Variants in MAP3K20 observed in about 807,000 individuals in gnomAD.
MAP3K20 encodes HCCS-4.
In MAP3K20, 40 loss-of-function variants were observed where a neutral mutation model predicts 85.7. The ratio of observed to expected loss-of-function variants is 0.47; its 90% CI spans 0.36 to 0.61. The LOEUF (loss-of-function observed/expected upper bound fraction) is 0.61. Among genes scored for constraint, MAP3K20 ranks in the 20% least tolerant of loss-of-function variants. The pLI is 0.00. For synonymous variants in MAP3K20, 325 were observed against 327.7 expected (o/e 0.99, Z 0.09); for missense variants, 817 against 961.7 (o/e 0.85, Z 1.99).
intron 16 of MAP3K20, among the ~76,000 whole-genome samples, chr2:173,253,184 C>T (rs765568810): frequency 5.3e-5 from 8 of 152,204 alleles, no homozygotes; most frequent in Non-Finnish European, 7.3e-5. Context: ...ACCTTGTTCT[C>T]GGTCCCATTC....
intron 4 of MAP3K20, among the ~76,000 whole-genome samples, chr2:173,185,564 T>A (rs1690460899): frequency 6.6e-6 from 1 of 152,250 alleles, no homozygotes; most frequent in Non-Finnish European, 1.5e-5. Context: ...CAAATTCAGC[T>A]ATGTACCTTT....
intron 2 of MAP3K20, among the ~76,000 whole-genome samples, chr2:173,095,974 TAAAG>T (rs1307116339): frequency 1.3e-5 from 2 of 152,214 alleles, no homozygotes; most frequent in African/African-American, 4.8e-5. Context: ...ATTTCAAACA[TAAAG>T]AAAAGGTGAA....
intron 10 of MAP3K20, among the ~76,000 whole-genome samples, chr2:173,216,389 T>C (rs1023916550): frequency 5.3e-5 from 8 of 152,162 alleles, no homozygotes; most frequent in Non-Finnish European, 1.2e-4. Context: ...ACTTGCTTGA[T>C]TGTAAAAATT....
intron 7 of MAP3K20, among the ~76,000 whole-genome samples, chr2:173,192,262 C>CTGTTTTGTTT (rs946888234): frequency 2.0e-5 from 3 of 152,088 alleles, no homozygotes; most frequent in Non-Finnish European, 4.4e-5. Context: ...GTTGTCAGAC[C>CTGTTTTGTTT]TGTTTTGTTT....
intron 2 of MAP3K20, among the ~76,000 whole-genome samples, chr2:173,151,250 G>T (rs1258380454): frequency 6.6e-6 from 1 of 152,174 alleles, no homozygotes. Flanking sequence ...GTTACTCAGA[G>T]AATCCTGGCT....
chr2:173,254,135 GC>G (rs1347078491), intron 16 of MAP3K20, among the ~76,000 whole-genome samples: 1 of 151,594 alleles, frequency 6.6e-6, no homozygotes, highest in African/African-American at 2.4e-5. Flanking sequence ...AGTCCACTAG[GC>G]CAGGCAAAGT....
At chr2:173,093,369 C>T (rs1687357195) in intron 2 of MAP3K20, among the ~76,000 whole-genome samples, 1 of 152,106 alleles carries the variant, frequency 6.6e-6, no homozygotes, top group East Asian at 1.9e-4. Context: ...TCATGTGACT[C>T]TTTAAGAATG....
intron 2 of MAP3K20, among the ~76,000 whole-genome samples, chr2:173,108,072 C>T (rs1315956184): frequency 6.6e-6 from 1 of 152,150 alleles, no homozygotes; most frequent in African/African-American, 2.4e-5. Flanking sequence ...AAAATTTTCT[C>T]ACCAGACAAC....
At chr2:173,110,227 ATATATATATATATATTTTTTTTTTTTTTT>A (rs1157036881) in intron 2 of MAP3K20, among the ~76,000 whole-genome samples, 6 of 9,224 alleles carry the variant, frequency 6.5e-4, no homozygotes, top group Admixed American at 1.3e-3. Flanking sequence ...ATATATATAT[ATATATATATATATATTTTTTTTTTTTTTT>A]TTTTTTTTTT....
At chr2:173,233,927 G>T (rs1195658037) in intron 14 of MAP3K20, among the ~76,000 whole-genome samples, 1 of 152,206 alleles carries the variant, frequency 6.6e-6, no homozygotes, top group Non-Finnish European at 1.5e-5. Context: ...CCTCTTAGAA[G>T]AAGGGCAGGA....
Position 173,198,339 on chromosome 2 carries a change from A to C in MAP3K20, c.669+227A>C. The C allele has an allele frequency of 3.0e-6, 1 of 330,338 alleles. No homozygotes were observed. The highest frequency in any genetic ancestry group is 5.7e-6 in the Non-Finnish European group (1 of 176,872). The allele number at this position is 330,338 out of a possible 1,614,324, so 20.5% of individuals were successfully genotyped here. ...GATGCTGTAGATCAAAAATTGTACA[A>C]GTACTGTACTAGTTTCTCAGTCTCA... On this transcript the variant is annotated intron_variant, in intron 8 of 19. Coordinates refer to ENST00000375213, the MANE Select transcript of MAP3K20 (RefSeq NM_016653.3). The surrounding 1 kb of genome is among the most constrained non-coding windows in gnomAD (Gnocchi z 5.8).
chr2:173,211,095 C>T (rs2106305696), intron 10 of MAP3K20: 1 of 152,250 alleles, frequency 6.6e-6, no homozygotes, highest in East Asian at 1.9e-4. Flanking sequence ...TCAGATCATT[C>T]TCCTTTAAAA....
intron 11 of MAP3K20, chr2:173,223,871 G>A: frequency 2.0e-6 from 2 of 985,480 alleles, no homozygotes; most frequent in Non-Finnish European, 2.4e-6. Flanking sequence ...GCAGAAGGGA[G>A]GGCTTGGGAC....
chr2:173,134,422 A>ATT lies in MAP3K20; in HGVS notation c.160-35382_160-35381insTT, dbSNP rs1254043752. The stretch of plus-strand genomic sequence containing the variant: ...TATATATATATATATATATATATAT[A>ATT]TATATATTTTTTTTTTTTTTTTTTT... On this transcript the variant is annotated intron_variant, in intron 2 of 19. Coordinates refer to ENST00000375213, the MANE Select transcript of MAP3K20 (RefSeq NM_016653.3). Among the ~76,000 whole-genome samples the ATT allele has an allele frequency of 8.4e-3, 52 of 6,158 alleles. 1 individual carries two copies. The highest frequency in any genetic ancestry group is 0.012 in the Non-Finnish European group (37 of 3,020). 4.0% of individuals were successfully genotyped at this position (6,158 alleles called of 152,430 possible).
At chr2:173,233,034 C>A (rs1261319700) in intron 14 of MAP3K20, among the ~76,000 whole-genome samples, 9 of 152,164 alleles carry the variant, frequency 5.9e-5, no homozygotes, top group Admixed American at 3.3e-4. Context: ...CACCCCCCTG[C>A]CCTCAGGAAG....
chr2:173,140,795 G>A (rs1020586496), intron 2 of MAP3K20, among the ~76,000 whole-genome samples: 2 of 151,802 alleles, frequency 1.3e-5, no homozygotes, highest in Non-Finnish European at 2.9e-5. Context: ...TTGAATGTAC[G>A]TGTATGACAA....
At chr2:173,106,124 T>G (rs1687776483) in intron 2 of MAP3K20, among the ~76,000 whole-genome samples, 1 of 152,222 alleles carries the variant, frequency 6.6e-6, no homozygotes, top group African/African-American at 2.4e-5. Flanking sequence ...CCAAAATTGA[T>G]TTGAAGATTT....
At chr2:173,148,874 G>T (rs150538444) in intron 2 of MAP3K20, among the ~76,000 whole-genome samples, 4 of 152,268 alleles carry the variant, frequency 2.6e-5, no homozygotes, top group Non-Finnish European at 5.9e-5. Context: ...GGGTCCTGAG[G>T]TTCCATTAAT....
At chr2:173,127,138 C>A (rs1688467894) in intron 2 of MAP3K20, among the ~76,000 whole-genome samples, 1 of 152,130 alleles carries the variant, frequency 6.6e-6, no homozygotes, top group Admixed American at 6.5e-5. Context: ...TTGAAGGAGA[C>A]CACCCAGTGA....
Sources: allele counts gnomAD v4.1 joint callset (sites outside exome capture counted in the v4.1 genomes callset), GRCh38; gene constraint gnomAD v4.1.1; non-coding constraint Gnocchi (gnomAD v3.1); transcripts MANE v1.5; gene names NCBI Gene and HGNC (gene_info 2026-07-23, HGNC 2026-07-21).